The following PALD1 variants were observed in gnomAD, a reference collection of about 807,000 sequenced individuals.
The protein encoded by PALD1 is paladin.
Under a neutral mutation model 96.0 loss-of-function variants are expected in PALD1, and 57 were observed. The observed-to-expected ratio is 0.59, with a 90% CI of 0.48 to 0.74. The LOEUF (loss-of-function observed/expected upper bound fraction) is 0.74, where lower values mean the gene tolerates loss of function less well. PALD1 is among the 30% of genes least tolerant of loss of function. The probability of loss-of-function intolerance (pLI) is 0.00; values close to 1 mark genes in which losing one functional copy is unlikely to be tolerated. For synonymous variants in PALD1, 464 were observed against 473.6 expected (o/e 0.98, Z 0.26); for missense variants, 1,063 against 1,143.7 (o/e 0.93, Z 1.02).
chr10:70,564,537 C>A lies in PALD1; in HGVS notation c.2418+18C>A. 1 of 1,610,302 alleles carries A rather than the reference C, an allele frequency of 6.2e-7. No homozygotes were observed. Among genetic ancestry groups the A allele is most frequent in the Non-Finnish European group, 8.5e-7 (1 of 1,178,192 alleles). On this transcript the variant is annotated intron_variant, in intron 19 of 19. Transcript: ENST00000263563. ...TGCAGGAGGTGAGGGGAGGCTGAGG[C>A]CGAGAGGGGCCGGGGCGATGGCTCC...
At chr10:70,558,591 G>A (rs182141447) in intron 18 of PALD1, among the ~76,000 whole-genome samples, 35 of 152,212 alleles carry the variant, frequency 2.3e-4, no homozygotes, top group Admixed American at 2.2e-3. Flanking sequence ...GTTGGACAGC[G>A]GGGTATCCGT....
At chr10:70,513,407 G>A (rs1203400438) in intron 1 of PALD1, among the ~76,000 whole-genome samples, 1 of 152,162 alleles carries the variant, frequency 6.6e-6, no homozygotes. Context: ...AGCTACTTGG[G>A]AGGCTGAGGC....
intron 18 of PALD1, among the ~76,000 whole-genome samples, chr10:70,559,266 C>G (rs10740354): frequency 5.3e-5 from 8 of 151,510 alleles, no homozygotes; most frequent in Non-Finnish European, 1.0e-4. Flanking sequence ...ATGGTTCAGA[C>G]AGAGGGTGTG....
intron 17 of PALD1, among the ~76,000 whole-genome samples, chr10:70,545,589 AT>A (rs916019448): frequency 1.3e-5 from 2 of 151,632 alleles, no homozygotes; most frequent in East Asian, 3.9e-4. Flanking sequence ...AGATTATATC[AT>A]TTTTTTTCTT....
chr10:70,554,314 A>T (rs1346608057), intron 18 of PALD1, among the ~76,000 whole-genome samples: 1 of 152,190 alleles, frequency 6.6e-6, no homozygotes, highest in Non-Finnish European at 1.5e-5. Flanking sequence ...CTGTAATCCC[A>T]GCTACTCGGG....
chr10:70,508,201 G>C lies in PALD1; in HGVS notation c.-29-17722G>C, dbSNP rs141254510. On this transcript the variant is annotated intron_variant, in intron 1 of 19. Transcript: ENST00000263563. ...ATTTGAGAGACGGCCCAGCCTTGTT[G>C]TTTATGGAATATGTCAAGGATCTTC... is the stretch of plus-strand genomic sequence containing the variant. Among the ~76,000 whole-genome samples, 453 of 152,330 alleles carry C rather than the reference G, an allele frequency of 3.0e-3. 1 individual carries two copies. The highest frequency in any genetic ancestry group is 0.01 in the African/African-American group (433 of 41,582).
At chr10:70,494,053 C>G (rs945320597) in intron 1 of PALD1, among the ~76,000 whole-genome samples, 4 of 152,200 alleles carry the variant, frequency 2.6e-5, no homozygotes, top group African/African-American at 9.6e-5. Context: ...CTTGTCACAG[C>G]CGCACCGGCT....
chr10:70,507,741 TTGTGTGTGCGTG>T (rs1846419089), intron 1 of PALD1, among the ~76,000 whole-genome samples: 1 of 127,388 alleles, frequency 7.9e-6, no homozygotes, highest in East Asian at 2.4e-4. Context: ...TTTGTATGTT[TTGTGTGTGCGTG>T]TGTGTGTGTG....
chr10:70,458,686 G>A, the PALD1 span, among the ~76,000 whole-genome samples: 1 of 152,336 alleles, frequency 6.6e-6, no homozygotes, highest in Non-Finnish European at 1.5e-5. Flanking sequence ...GTGAGACAGA[G>A]ACGCTCCGGC....
At chr10:70,552,951 T>C (rs1039771710) in intron 18 of PALD1, among the ~76,000 whole-genome samples, 8 of 152,188 alleles carry the variant, frequency 5.3e-5, no homozygotes, top group Admixed American at 5.2e-4. Context: ...TTCCTGGAGC[T>C]AATTTTCCTA....
At chr10:70,498,591 T>G (rs547248672) in intron 1 of PALD1, among the ~76,000 whole-genome samples, 64 of 152,220 alleles carry the variant, frequency 4.2e-4, no homozygotes, top group Non-Finnish European at 7.5e-4. Context: ...GTTTTGTTTT[T>G]TTTTTTTTGA....
upstream of PALD1, among the ~76,000 whole-genome samples, chr10:70,475,607 G>T (rs1260714337): frequency 6.6e-6 from 1 of 152,192 alleles, no homozygotes; most frequent in Admixed American, 6.5e-5. Context: ...TCCCATCTTT[G>T]ATCAAGATTC....
upstream of PALD1, among the ~76,000 whole-genome samples, chr10:70,477,089 T>C (rs10823550): frequency 0.83 from 126,975 of 152,114 alleles, 53,545 homozygotes; most frequent in East Asian, 0.93. Flanking sequence ...CACATGTTGC[T>C]CCTACCTTAG....
intron 8 of PALD1, 51 bp downstream of exon 8, chr10:70,534,124 G>T: frequency 1.3e-6 from 2 of 1,494,140 alleles, no homozygotes; most frequent in Non-Finnish European, 1.8e-6. Flanking sequence ...CCGAGGAGGG[G>T]ACAGGCTGCC....
the PALD1 span, among the ~76,000 whole-genome samples, chr10:70,469,492 T>C: frequency 6.6e-6 from 1 of 152,164 alleles, no homozygotes; most frequent in African/African-American, 2.4e-5. Context: ...TTGAAGTGAA[T>C]GTGCATTGAA....
At chr10:70,534,115 C>T (rs753744565) in intron 8 of PALD1, 42 bp downstream of exon 8, 8 of 1,517,026 alleles carry the variant, frequency 5.3e-6, no homozygotes, top group South Asian at 2.6e-5. Context: ...GCTGTGGGGC[C>T]GAGGAGGGGA....
chr10:70,546,297 G>A (rs1300005033), intron 17 of PALD1, among the ~76,000 whole-genome samples: 1 of 152,122 alleles, frequency 6.6e-6, no homozygotes, highest in East Asian at 1.9e-4. Flanking sequence ...ACATTCCATG[G>A]GTGCATTGGG....
At chr10:70,501,838 T>TGTGTGTGCAC (rs57837334) in intron 1 of PALD1, among the ~76,000 whole-genome samples, 1 of 150,330 alleles carries the variant, frequency 6.7e-6, no homozygotes, top group Admixed American at 6.6e-5. Flanking sequence ...TGTGTGTGCG[T>TGTGTGTGCAC]GCGTGCATGC....
chr10:70,535,687 TTTC>T (rs973553934), intron 10 of PALD1, among the ~76,000 whole-genome samples: 12 of 151,282 alleles, frequency 7.9e-5, no homozygotes, highest in Non-Finnish European at 1.6e-4. Context: ...TCTTCTCCTT[TTTC>T]TTCTTCTCTT....
Sources: gnomAD v4.1 joint callset for allele counts (sites outside exome capture counted in the v4.1 genomes callset) on GRCh38, gnomAD v4.1.1 for gene constraint, MANE v1.5 for transcripts, NCBI Gene and HGNC (gene_info 2026-07-23, HGNC 2026-07-21) for gene names.